DCBLD2: variants seen among roughly 807,000 people sequenced by gnomAD.
The protein encoded by DCBLD2 is discoidin, CUB and LCCL domain containing 2.
Under a neutral mutation model 86.8 loss-of-function variants are expected in DCBLD2, and 54 were observed. The observed-to-expected ratio is 0.62, with a 90% CI of 0.50 to 0.78. The LOEUF is 0.78. Among genes scored for constraint, DCBLD2 ranks in the 30% least tolerant of loss-of-function variants. The pLI is 0.00. For synonymous variants in DCBLD2, 354 were observed against 341.3 expected (o/e 1.04, Z -0.41); for missense variants, 908 against 954.2 (o/e 0.95, Z 0.64).
Position 98,849,567 on chromosome 3 carries a change from G to C in DCBLD2, c.465C>G (p.Asn155Lys). The C allele has an allele frequency of 6.2e-7, 1 of 1,613,412 alleles. No individual in the cohort carries two copies. Among genetic ancestry groups the C allele is most frequent in the South Asian group, 1.1e-5 (1 of 91,054 alleles). ...CATTGCCTTTTGATTCAATTGAATG[G>C]TTCATTTGCAACCCCAGACCACAGT... is the stretch of plus-strand genomic sequence containing the variant. ...GKYCGLGLQM[N>K]HSIESKGNEI... is the part of the protein sequence containing the mutation. The change falls in exon 3 of 16, where the codon AAC (asparagine) becomes AAG (lysine). Residue 155 changes from asparagine to lysine, a missense_variant. Asn to Lys is a moderately conservative substitution (Grantham distance 94). Around this residue, in one of 3 missense-constraint regions of DCBLD2, gnomAD observed 294 missense variants for 256.0 expected, o/e 1.15. Coordinates refer to ENST00000326840, the MANE Select transcript of DCBLD2 (RefSeq NM_080927.4).
chr3:98,873,791 A>G (rs1179015688), intron 2 of DCBLD2, among the ~76,000 whole-genome samples: 1 of 152,160 alleles, frequency 6.6e-6, no homozygotes, highest in Non-Finnish European at 1.5e-5. Flanking sequence ...GTTCTAATAA[A>G]TCAAGATTCA....
chr3:98,853,806 CT>C (rs1942882292), intron 2 of DCBLD2, among the ~76,000 whole-genome samples: 1 of 152,154 alleles, frequency 6.6e-6, no homozygotes, highest in Admixed American at 6.5e-5. Flanking sequence ...ATTCAACTTC[CT>C]GAGGTGTGCC....
intron 3 of DCBLD2, among the ~76,000 whole-genome samples, chr3:98,826,179 A>C (rs986523313): frequency 2.0e-5 from 3 of 152,182 alleles, no homozygotes; most frequent in Non-Finnish European, 2.9e-5. Context: ...AAAAAGCAAA[A>C]AAAACAAAAC....
chr3:98,870,797 GAAA>G lies in DCBLD2; in HGVS notation c.433+10740_433+10742del, dbSNP rs879471269. Among the ~76,000 whole-genome samples the G allele has an allele frequency of 4.4e-3, 669 of 151,070 alleles. 7 individuals carry two copies. The highest frequency in any genetic ancestry group is 7.2e-3 in the South Asian group (34 of 4,736). ...AGAAAGAAAGAAAGAAAGAAAGAAA[GAAA>G]GAAAGAAAGAAAGGTAGGCAGGCAT... On this transcript the variant is annotated intron_variant, in intron 2 of 15. Coordinates refer to ENST00000326840, the MANE Select transcript of DCBLD2 (RefSeq NM_080927.4).
intron 3 of DCBLD2, among the ~76,000 whole-genome samples, chr3:98,836,622 C>A (rs1488016600): frequency 5.2e-5 from 7 of 135,650 alleles, no homozygotes; most frequent in African/African-American, 8.1e-5. Context: ...ACCTCCCAGA[C>A]GGGGCGGCTG....
At chr3:98,807,946 G>C in intron 13 of DCBLD2, 135 bp downstream of exon 13, 1 of 582,154 alleles carries the variant, frequency 1.7e-6, no homozygotes, top group Non-Finnish European at 2.7e-6. Context: ...GGGAATAAAG[G>C]AGAAGCATGA....
At chr3:98,864,090 G>A (rs182856707) in intron 2 of DCBLD2, among the ~76,000 whole-genome samples, 1 of 152,144 alleles carries the variant, frequency 6.6e-6, no homozygotes, top group Non-Finnish European at 1.5e-5. Context: ...GCAGCCAAAA[G>A]ACACAGAAAA....
intron 9 of DCBLD2, chr3:98,815,259 T>C (rs1306952812): frequency 6.6e-6 from 1 of 152,168 alleles, no homozygotes; most frequent in Non-Finnish European, 1.5e-5. Flanking sequence ...GATCTGGGAA[T>C]TCCTTACACT....
At chr3:98,858,460 G>A (rs889483464) in intron 2 of DCBLD2, among the ~76,000 whole-genome samples, 11 of 152,248 alleles carry the variant, frequency 7.2e-5, no homozygotes, top group African/African-American at 9.6e-5. Flanking sequence ...CGAGGCCTGC[G>A]AGGGCTGCCA....
chr3:98,809,296 G>A (rs1373776802), intron 12 of DCBLD2, among the ~76,000 whole-genome samples: 1 of 151,890 alleles, frequency 6.6e-6, no homozygotes, highest in African/African-American at 2.4e-5. Context: ...TTTACTGGGG[G>A]CTCAGAGCCG....
At chr3:98,812,548 T>G in intron 9 of DCBLD2, 66 bp from the exon 10 acceptor site, 1 of 1,447,938 alleles carries the variant, frequency 6.9e-7, no homozygotes, top group Non-Finnish European at 9.4e-7. Context: ...TTTCTCCACT[T>G]AAACATGTTT....
At chr3:98,895,249 G>C (rs2107533660) in intron 1 of DCBLD2, 1 of 152,298 alleles carries the variant, frequency 6.6e-6, no homozygotes, top group Middle Eastern at 3.4e-3. Flanking sequence ...AAAGGAGTTT[G>C]GACGGTATCT....
rs1943854348 is a variant in DCBLD2 at position 98,901,601 on chromosome 3, C to G, written c.-275G>C. On this transcript the variant is annotated 5_prime_UTR_variant, in exon 1 of 16. Transcript: ENST00000326840. ...CTCGAGCCGCGGAGGACGGCCGCGG[C>G]GGAGCTAAGGAACGTGCCTCCCGCG... 1 of 282,666 alleles carries G rather than the reference C, an allele frequency of 3.5e-6. No individual in the cohort carries two copies. The highest frequency in any genetic ancestry group is 5.3e-5 in the Admixed American group (1 of 18,862). 17.5% of individuals were successfully genotyped at this position (282,666 alleles called of 1,614,324 possible). A position where few individuals can be genotyped will look rare whatever the true frequency, so the allele number is the denominator to read the frequency against.
chr3:98,839,632 A>G (rs527368204), intron 3 of DCBLD2, among the ~76,000 whole-genome samples: 1 of 152,228 alleles, frequency 6.6e-6, no homozygotes, highest in Non-Finnish European at 1.5e-5. Context: ...CATTCAGCAT[A>G]TATTTAATAA....
At chr3:98,839,179 T>TCTTCCTTCCTTCCTTC (rs1220136123) in intron 3 of DCBLD2, among the ~76,000 whole-genome samples, 56 of 113,208 alleles carry the variant, frequency 4.9e-4, no homozygotes, top group South Asian at 2.3e-3. Context: ...TTCCTTTCTT[T>TCTTCCTTCCTTCCTTC]CTTCCTTCCT....
chr3:98,831,341 GC>G (rs1308094795), intron 3 of DCBLD2, among the ~76,000 whole-genome samples: 6 of 151,818 alleles, frequency 4.0e-5, no homozygotes, highest in Non-Finnish European at 5.9e-5. Flanking sequence ...ATGAGCTACC[GC>G]TCTTGGCCCT....
rs201542239 is a variant in DCBLD2, at chr3:98,839,959, A to AT, written c.571+9501_571+9502insA. Among the ~76,000 whole-genome samples, 955 of 152,334 alleles carry AT rather than the reference A, an allele frequency of 6.3e-3. 51 individuals carry two copies. The East Asian group carries it at 0.16, about 25-fold the overall frequency. ...GTGTTAGGTATTTGAATCTGAGAACAGGCAGCGGGAATCAAAGGCCCTGTT... is the reference window on the plus strand; with the variant it reads ...GTGTTAGGTATTTGAATCTGAGAACATGGCAGCGGGAATCAAAGGCCCTGTT... On this transcript the variant is annotated intron_variant, in intron 3 of 15. Coordinates refer to ENST00000326840, the MANE Select transcript of DCBLD2 (RefSeq NM_080927.4).
At chr3:98,800,555 A>C in intron 15 of DCBLD2, 24 bp downstream of exon 15, 1 of 1,604,378 alleles carries the variant, frequency 6.2e-7, no homozygotes, top group Non-Finnish European at 8.5e-7. Flanking sequence ...TCTGCCTGGT[A>C]CCAGAAGGCT....
At chr3:98,859,924 C>A (rs947440806) in intron 2 of DCBLD2, among the ~76,000 whole-genome samples, 3 of 152,210 alleles carry the variant, frequency 2.0e-5, no homozygotes, top group Non-Finnish European at 2.9e-5. Context: ...TCAAACTTCT[C>A]TGAGCTAAAG....
Sources: gnomAD v4.1 joint callset for allele counts (sites outside exome capture counted in the v4.1 genomes callset) on GRCh38, gnomAD v4.1.1 for gene constraint, gnomAD v4.1.1 regional missense constraint, MANE v1.5 for transcripts, NCBI Gene and HGNC (gene_info 2026-07-23, HGNC 2026-07-21) for gene names.